RUFY3: variants seen among roughly 807,000 people sequenced by gnomAD.
RUFY3 encodes the protein protein RUFY3.
Under a neutral mutation model 84.0 loss-of-function variants are expected in RUFY3, and 34 were observed. The observed-to-expected ratio is 0.40, with a 90% CI of 0.31 to 0.54. The LOEUF (loss-of-function observed/expected upper bound fraction) is 0.54. RUFY3 is among the 20% of genes least tolerant of loss of function. The pLI, the probability that RUFY3 is intolerant of heterozygous loss-of-function variation, is 0.39. For synonymous variants in RUFY3, 242 were observed against 252.9 expected, an observed-to-expected ratio of 0.96 and a Z score of 0.41; for missense variants, 507 against 736.8, an observed-to-expected ratio of 0.69 and a Z score of 3.61.
At chr4:70,754,847 T>C (rs962327477) in intron 1 of RUFY3, among the ~76,000 whole-genome samples, 1 of 152,138 alleles carries the variant, frequency 6.6e-6, no homozygotes, top group African/African-American at 2.4e-5. Context: ...GAGTAAGCTT[T>C]TCTTTCTATA....
At chr4:70,706,205 T>C (rs1228723505) in intron 1 of RUFY3, among the ~76,000 whole-genome samples, 1 of 152,168 alleles carries the variant, frequency 6.6e-6, no homozygotes. Flanking sequence ...CAAGGCATGC[T>C]GTAAGCGCCA....
intron 1 of RUFY3, among the ~76,000 whole-genome samples, chr4:70,732,018 T>G (rs1240899118): frequency 1.3e-5 from 2 of 152,224 alleles, no homozygotes; most frequent in Non-Finnish European, 2.9e-5. Context: ...TCAACATACT[T>G]ACCTGTTCCA....
At chr4:70,773,668 C>T (rs574392121) in intron 6 of RUFY3, 96 bp downstream of exon 6, 17 of 758,618 alleles carry the variant, frequency 2.2e-5, no homozygotes, top group African/African-American at 5.3e-5. Context: ...TTTTAACAGA[C>T]GTGCTGAAAG....
At chr4:70,786,383 A>T (rs897547831) in intron 10 of RUFY3, among the ~76,000 whole-genome samples, 1 of 141,998 alleles carries the variant, frequency 7.0e-6, no homozygotes, top group African/African-American at 3.1e-5. Context: ...GTTAGAAGAA[A>T]GGTTTTTTTT....
chr4:70,747,777 G>A (rs546524396), intron 1 of RUFY3, among the ~76,000 whole-genome samples: 2 of 152,168 alleles, frequency 1.3e-5, no homozygotes, highest in Non-Finnish European at 2.9e-5. Flanking sequence ...CTATTCAGGA[G>A]GCTGAGGTGG....
chr4:70,746,068 G>T (rs373008653), intron 1 of RUFY3, among the ~76,000 whole-genome samples: 1 of 151,998 alleles, frequency 6.6e-6, no homozygotes, highest in East Asian at 1.9e-4. Flanking sequence ...AATTGGCGGG[G>T]CGTGGTGGCT....
intron 1 of RUFY3, among the ~76,000 whole-genome samples, chr4:70,715,215 T>C (rs1741422523): frequency 6.6e-6 from 1 of 152,094 alleles, no homozygotes; most frequent in South Asian, 2.1e-4. Flanking sequence ...GATCATTGAG[T>C]TGAATAATCA....
intron 14 of RUFY3, among the ~76,000 whole-genome samples, chr4:70,798,180 C>A (rs1266742493): frequency 6.6e-6 from 1 of 151,962 alleles, no homozygotes; most frequent in Non-Finnish European, 1.5e-5. Flanking sequence ...CTAGCCTGGG[C>A]AACATAGGAA....
rs1008133980 is a variant in RUFY3, at chr4:70,804,330, G to A, written c.1651-18G>A. ...TTCTGGCACTAAGAAAAACTAACCAGCTCCCTGTGTGGTTTAGGATCAGCT... is the reference window on the plus strand; with the variant it reads ...TTCTGGCACTAAGAAAAACTAACCAACTCCCTGTGTGGTTTAGGATCAGCT... On this transcript the variant is annotated intron_variant, in intron 16 of 17. Coordinates refer to ENST00000381006, the MANE Select transcript of RUFY3 (RefSeq NM_001037442.4). 1.2e-6 allele frequency: 2 copies of A among 1,612,830 alleles called. No individual in the cohort carries two copies. The highest frequency in any genetic ancestry group is 2.7e-5 in the African/African-American group (2 of 74,860).
chr4:70,735,920 G>A (rs1413944418), intron 1 of RUFY3, among the ~76,000 whole-genome samples: 1 of 151,800 alleles, frequency 6.6e-6, no homozygotes, highest in Non-Finnish European at 1.5e-5. Context: ...TCCAGGAGGT[G>A]GAGGTTGCAG....
intron 1 of RUFY3, chr4:70,734,606 C>T (rs1719982590): frequency 1.0e-6 from 1 of 968,538 alleles, no homozygotes; most frequent in Non-Finnish European, 1.2e-6. Flanking sequence ...AAGTTTTACC[C>T]ACTTAGCTTC....
intron 1 of RUFY3, among the ~76,000 whole-genome samples, chr4:70,751,230 A>G (rs999308894): frequency 6.6e-6 from 1 of 152,062 alleles, no homozygotes; most frequent in Non-Finnish European, 1.5e-5. Flanking sequence ...ACCACCCTCT[A>G]GTAGTCTTCA....
chr4:70,785,153 A>G (rs1320015020), intron 10 of RUFY3, among the ~76,000 whole-genome samples: 1 of 152,180 alleles, frequency 6.6e-6, no homozygotes, highest in Non-Finnish European at 1.5e-5. Flanking sequence ...CTACTTTTTT[A>G]AACTATGCCG....
chr4:70,748,020 A>G (rs758629504), intron 1 of RUFY3, among the ~76,000 whole-genome samples: 43 of 152,074 alleles, frequency 2.8e-4, no homozygotes, highest in Non-Finnish European at 5.7e-4. Context: ...TGACCCCTTC[A>G]TTTCCTTTAT....
intron 1 of RUFY3, among the ~76,000 whole-genome samples, chr4:70,728,476 C>T (rs1183550813): frequency 2.0e-5 from 3 of 152,138 alleles, no homozygotes; most frequent in Admixed American, 6.5e-5. Flanking sequence ...GTTGAAATAT[C>T]GGAAGTTGAA....
At chr4:70,730,879 A>G (rs1272262920) in intron 1 of RUFY3, among the ~76,000 whole-genome samples, 2 of 152,234 alleles carry the variant, frequency 1.3e-5, no homozygotes, top group Non-Finnish European at 2.9e-5. Context: ...TAAGTCCAAC[A>G]ATAGGCCTGC....
At chr4:70,774,644 A>AAAAAAAATATATATATATAT in intron 6 of RUFY3, among the ~76,000 whole-genome samples, 1 of 56,684 alleles carries the variant, frequency 1.8e-5, no homozygotes, top group African/African-American at 8.4e-5. Context: ...AAAAAAAAAA[A>AAAAAAAATATATATATATAT]ATATATATAT....
At chr4:70,803,453 C>CTTT (rs369264240) in intron 16 of RUFY3, among the ~76,000 whole-genome samples, 6 of 145,260 alleles carry the variant, frequency 4.1e-5, no homozygotes, top group Admixed American at 2.1e-4. Context: ...TACTGCTTTC[C>CTTT]TTTTTTTTTT....
At chr4:70,796,774 C>G (rs1475055084) in intron 14 of RUFY3, among the ~76,000 whole-genome samples, 1 of 152,164 alleles carries the variant, frequency 6.6e-6, no homozygotes, top group Admixed American at 6.6e-5. Context: ...AAACTGCCCA[C>G]TTCTTTGGGG....
Sources: gnomAD v4.1 joint callset for allele counts (sites outside exome capture counted in the v4.1 genomes callset) on GRCh38, gnomAD v4.1.1 for gene constraint, MANE v1.5 for transcripts, NCBI Gene and HGNC (gene_info 2026-07-23, HGNC 2026-07-21) for gene names.